Variants in CNIH3 observed in about 807,000 individuals in gnomAD.
The protein encoded by CNIH3 is cornichon family AMPA receptor auxiliary protein 3.
In CNIH3, 14 loss-of-function variants were observed where a neutral mutation model predicts 24.1. The ratio of observed to expected loss-of-function variants is 0.58; its 90% confidence interval spans 0.38 to 0.91. The LOEUF is 0.91. CNIH3 is among the 40% of genes least tolerant of loss of function. The probability of loss-of-function intolerance (pLI) is 0.00; values close to 1 mark genes in which losing one functional copy is unlikely to be tolerated. For missense variants in CNIH3, 178 were observed against 196.8 expected, an observed-to-expected ratio of 0.90 and a Z score of 0.57; for synonymous variants, 68 against 73.8, an observed-to-expected ratio of 0.92 and a Z score of 0.40.
chr1:224,528,600 T>A (rs1678937011), intron 2 of CNIH3, among the ~76,000 whole-genome samples: 1 of 152,212 alleles, frequency 6.6e-6, no homozygotes, highest in South Asian at 2.1e-4. Flanking sequence ...ATTACAGGCA[T>A]GAGCCACAGC....
At chr1:224,652,909 G>T (rs535238045) in intron 1 of CNIH3, among the ~76,000 whole-genome samples, 4 of 152,184 alleles carry the variant, frequency 2.6e-5, no homozygotes, top group Non-Finnish European at 4.4e-5. Context: ...AGCTGCACAG[G>T]TGTTCAGAGG....
intron 3 of CNIH3, among the ~76,000 whole-genome samples, chr1:224,725,692 G>A (rs965929849): frequency 1.3e-5 from 2 of 152,178 alleles, no homozygotes; most frequent in African/African-American, 2.4e-5. Flanking sequence ...TGAGAGCCAG[G>A]AGCAGACGGA....
At chr1:224,475,062 A>G (rs1676525761) in intron 1 of CNIH3, among the ~76,000 whole-genome samples, 1 of 149,778 alleles carries the variant, frequency 6.7e-6, no homozygotes, top group African/African-American at 2.5e-5. Flanking sequence ...AAAGAAAAAA[A>G]AAAAAGAAAA....
chr1:224,525,832 A>G (rs1341813409), intron 2 of CNIH3, among the ~76,000 whole-genome samples: 1 of 152,164 alleles, frequency 6.6e-6, no homozygotes, highest in Non-Finnish European at 1.5e-5. Flanking sequence ...CAGGAAATAC[A>G]GAATAAGAGT....
intron 1 of CNIH3, among the ~76,000 whole-genome samples, chr1:224,679,586 G>A (rs1392913179): frequency 2.0e-5 from 3 of 152,192 alleles, no homozygotes; most frequent in East Asian, 1.9e-4. Context: ...TTACTGAAGC[G>A]TTTAAGTACA....
intron 1 of CNIH3, among the ~76,000 whole-genome samples, chr1:224,506,434 C>G (rs1412968450): frequency 6.6e-6 from 1 of 152,246 alleles, no homozygotes; most frequent in Non-Finnish European, 1.5e-5. Flanking sequence ...TGCCAGGCCC[C>G]AGGGCCCTGC....
At chr1:224,735,248 C>T (rs906456708) in intron 5 of CNIH3, among the ~76,000 whole-genome samples, 4 of 152,202 alleles carry the variant, frequency 2.6e-5, no homozygotes, top group African/African-American at 7.2e-5. Flanking sequence ...TAACACCATT[C>T]CAATTAAGAA....
At chr1:224,477,060 G>A (rs1036390187) in intron 1 of CNIH3, among the ~76,000 whole-genome samples, 1 of 152,150 alleles carries the variant, frequency 6.6e-6, no homozygotes, top group African/African-American at 2.4e-5. Context: ...TTATTTCTAA[G>A]CAGCTGGTGA....
chr1:224,658,973 GTTA>G (rs1393522333), intron 1 of CNIH3, among the ~76,000 whole-genome samples: 1 of 152,162 alleles, frequency 6.6e-6, no homozygotes, highest in Non-Finnish European at 1.5e-5. Flanking sequence ...AGAAAATCTT[GTTA>G]TTCTGACACA....
chr1:224,553,325 T>C (rs1328883015), intron 3 of CNIH3, among the ~76,000 whole-genome samples: 1 of 151,970 alleles, frequency 6.6e-6, no homozygotes, highest in Non-Finnish European at 1.5e-5. Context: ...GTAATGTATC[T>C]CCCTTAGATA....
At chr1:224,607,373 A>G (rs546274562) in intron 3 of CNIH3, among the ~76,000 whole-genome samples, 1 of 152,322 alleles carries the variant, frequency 6.6e-6, no homozygotes, top group African/African-American at 2.4e-5. Flanking sequence ...TTAAAGGGAA[A>G]AGAGCAGGCA....
chr1:224,436,388 A>G (rs1031247185), intron 1 of CNIH3, among the ~76,000 whole-genome samples: 1 of 152,230 alleles, frequency 6.6e-6, no homozygotes, highest in Non-Finnish European at 1.5e-5. Context: ...ATGGTTTATA[A>G]TAATTTATTA....
intron 1 of CNIH3, among the ~76,000 whole-genome samples, chr1:224,466,046 G>A (rs1438465112): frequency 4.6e-5 from 7 of 152,042 alleles, no homozygotes; most frequent in Non-Finnish European, 8.8e-5. Context: ...CACAAAAAAC[G>A]AAAAACAAAA....
intron 3 of CNIH3, among the ~76,000 whole-genome samples, chr1:224,561,752 C>T (rs1391067400): frequency 1.3e-5 from 2 of 152,176 alleles, no homozygotes; most frequent in East Asian, 3.8e-4. Flanking sequence ...CTATCCTGCC[C>T]AAGTATCTCC....
intron 1 of CNIH3, among the ~76,000 whole-genome samples, chr1:224,476,896 G>C (rs988639594): frequency 1.3e-5 from 2 of 152,150 alleles, no homozygotes; most frequent in African/African-American, 4.8e-5. Context: ...GAGTGTTTAG[G>C]ACATTTACAT....
At chr1:224,486,455 G>T (rs191699327) in intron 1 of CNIH3, among the ~76,000 whole-genome samples, 1 of 152,038 alleles carries the variant, frequency 6.6e-6, no homozygotes, top group Non-Finnish European at 1.5e-5. Flanking sequence ...ACTGTGTTTT[G>T]TTTATACTCT....
chr1:224,650,031 G>T (rs1213347238), intron 1 of CNIH3, among the ~76,000 whole-genome samples: 3 of 152,132 alleles, frequency 2.0e-5, no homozygotes, highest in African/African-American at 7.2e-5. Flanking sequence ...GGGATGGTAG[G>T]TGTTATGCAC....
intron 1 of CNIH3, among the ~76,000 whole-genome samples, chr1:224,635,482 T>G (rs1684043843): frequency 6.6e-6 from 1 of 152,166 alleles, no homozygotes; most frequent in Non-Finnish European, 1.5e-5. Context: ...GAGAAATGAC[T>G]GTAGGAACAG....
chr1:224,728,551 C>T (rs910622908), intron 3 of CNIH3, among the ~76,000 whole-genome samples: 2 of 152,324 alleles, frequency 1.3e-5, no homozygotes, highest in Admixed American at 6.5e-5. Flanking sequence ...CTACACTGGA[C>T]TTTGAGAATA....
Sources: allele counts gnomAD v4.1 joint callset (sites outside exome capture counted in the v4.1 genomes callset), GRCh38; gene constraint gnomAD v4.1.1; transcripts MANE v1.5; gene names NCBI Gene and HGNC (gene_info 2026-07-23, HGNC 2026-07-21).